The following TM9SF4 variants were observed in gnomAD, a reference collection of about 807,000 sequenced individuals.
TM9SF4 encodes the protein dinucleotide oxidase disulfide thiol exchanger 3 superfamily member 4.
TM9SF4 carries 26 observed loss-of-function variants against 90.4 expected under a neutral mutation model. That is an observed-to-expected ratio of 0.29 (90% CI 0.21 to 0.40). TM9SF4 has a LOEUF of 0.40. Among genes scored for constraint, TM9SF4 ranks in the 10% least tolerant of loss-of-function variants. The probability of loss-of-function intolerance (pLI) is 1.00; values close to 1 mark genes in which losing one functional copy is unlikely to be tolerated. For synonymous variants in TM9SF4, 293 were observed against 315.4 expected (o/e 0.93, Z 0.75); for missense variants, 549 against 834.8 (o/e 0.66, Z 4.22).
intron 17 of TM9SF4, among the ~76,000 whole-genome samples, chr20:32,163,258 A>C (rs6061199): frequency 0.19 from 19,207 of 101,534 alleles, 1,903 homozygotes; most frequent in East Asian, 0.33. Context: ...AAAAAAAAAA[A>C]AAAAAAAAAA....
intron 1 of TM9SF4, among the ~76,000 whole-genome samples, chr20:32,124,461 C>T (rs907501627): frequency 6.6e-6 from 1 of 152,202 alleles, no homozygotes; most frequent in African/African-American, 2.4e-5. Context: ...CCTCTGTTCA[C>T]TTGGCTGTGC....
At chr20:32,137,884 G>A (rs2046616862) in intron 3 of TM9SF4, among the ~76,000 whole-genome samples, 1 of 152,160 alleles carries the variant, frequency 6.6e-6, no homozygotes, top group African/African-American at 2.4e-5. Context: ...AATAAGGGAA[G>A]TGAGGCACAA....
Position 32,141,674 on chromosome 20 carries a change from C to CCCT in TM9SF4, c.398+10_398+12dup. ...GACTACTACGTCCACCTGTAAGTCGCCCTGTGCTCCTTGCTGCCTCAGGCT... is the reference window on the plus strand; with the variant it reads ...GACTACTACGTCCACCTGTAAGTCGCCCTCCTGTGCTCCTTGCTGCCTCAGGCT... On this transcript the variant is annotated intron_variant, in intron 4 of 17. Transcript: ENST00000398022. 6.2e-7 allele frequency: 1 copy of CCCT among 1,613,854 alleles called. No homozygotes were observed. The highest frequency in any genetic ancestry group is 8.5e-7 in the Non-Finnish European group (1 of 1,179,810).
intron 1 of TM9SF4, among the ~76,000 whole-genome samples, chr20:32,112,116 G>A (rs1395784328): frequency 1.3e-5 from 2 of 152,148 alleles, no homozygotes; most frequent in Admixed American, 6.5e-5. Flanking sequence ...CAGTGGAAGG[G>A]ACAGTGATTT....
At chr20:32,141,999 C>T (rs1342570006) in intron 5 of TM9SF4, 104 bp downstream of exon 5, 2 of 1,553,836 alleles carry the variant, frequency 1.3e-6, no homozygotes, top group East Asian at 2.3e-5. Flanking sequence ...CAAGTTTCTC[C>T]AGGTGCCCTG....
intron 1 of TM9SF4, among the ~76,000 whole-genome samples, chr20:32,123,866 A>ATATATATATATATATATATATATATATT: frequency 1.1e-5 from 1 of 93,978 alleles, no homozygotes; most frequent in African/African-American, 4.6e-5. Flanking sequence ...ATATATATAT[A>ATATATATATATATATATATATATATATT]TTTTTTTTTT....
chr20:32,150,904 G>A (rs769669465), intron 12 of TM9SF4, 29 bp downstream of exon 12: 2 of 1,612,026 alleles, frequency 1.2e-6, no homozygotes, highest in East Asian at 2.2e-5. Flanking sequence ...CTCTTGTTTG[G>A]TGGGAAGCAG....
At chr20:32,144,680 C>T (rs1234368432) in intron 6 of TM9SF4, among the ~76,000 whole-genome samples, 2 of 152,144 alleles carry the variant, frequency 1.3e-5, no homozygotes, top group Non-Finnish European at 2.9e-5. Context: ...GAGGCCAACA[C>T]AGAAGGATTG....
chr20:32,140,784 G>A (rs2046662540), intron 3 of TM9SF4, among the ~76,000 whole-genome samples: 1 of 152,246 alleles, frequency 6.6e-6, no homozygotes, highest in African/African-American at 2.4e-5. Flanking sequence ...AGTCAGGGGA[G>A]GGAGTGATGG....
At chr20:32,127,555 T>A (rs2046441165) in intron 1 of TM9SF4, among the ~76,000 whole-genome samples, 1 of 152,224 alleles carries the variant, frequency 6.6e-6, no homozygotes, top group Non-Finnish European at 1.5e-5. Flanking sequence ...TGCCTTGTGC[T>A]TAGGAGGTGC....
chr20:32,123,872 T>TTTTTTTTTTTTC, intron 1 of TM9SF4, among the ~76,000 whole-genome samples: 1 of 53,078 alleles, frequency 1.9e-5, no homozygotes, highest in East Asian at 5.4e-3. Flanking sequence ...ATATATTTTT[T>TTTTTTTTTTTTC]TTTTTAAAGA....
At chr20:32,144,978 C>T (rs1256844875) in intron 6 of TM9SF4, 113 bp from the exon 7 acceptor site, 4 of 877,338 alleles carry the variant, frequency 4.6e-6, no homozygotes, top group East Asian at 4.9e-5. Flanking sequence ...TCTCCACTCC[C>T]ACCCTAGAGG....
In TM9SF4 at chr20:32,121,978, G is replaced by A. The variant is rs2046319371; in HGVS notation, c.16-11035G>A. Among the ~76,000 whole-genome samples the A allele has an allele frequency of 2.8e-5, 4 of 144,444 alleles. No homozygotes were observed. The South Asian group carries it at 8.8e-4, about 32-fold the overall frequency. 94.8% of individuals were successfully genotyped at this position (144,444 alleles called of 152,430 possible). A position where few individuals can be genotyped will look rare whatever the true frequency, so the allele number is the denominator to read the frequency against. ...GGACGGGGCGGCTGGCAGGGCGGGG[G>A]GCTGACCCCCCCACCTCCCTCCCGG... On this transcript the variant is annotated intron_variant, in intron 1 of 17. Transcript: ENST00000398022.
intron 15 of TM9SF4, chr20:32,159,358 C>T (rs182453208): frequency 3.3e-5 from 5 of 152,654 alleles, no homozygotes; most frequent in Admixed American, 6.5e-5. Context: ...TGACCCAGCT[C>T]GGGGCCCAGC....
intron 14 of TM9SF4, 26 bp from the exon 15 acceptor site, chr20:32,158,425 A>G (rs370263581): frequency 1.2e-6 from 2 of 1,613,982 alleles, no homozygotes; most frequent in African/African-American, 2.7e-5. Context: ...GGTCTCTAAC[A>G]ATGTCAACCT....
rs529108670 is a variant in TM9SF4 at position 32,142,042 on chromosome 20, C to T, written c.528+147C>T. 4.2e-4 allele frequency: 551 copies of T among 1,325,256 alleles called. 6 individuals carry two copies. In the South Asian group the frequency reaches 6.2e-3, roughly 15 times the overall value. 82.1% of individuals were successfully genotyped at this position (1,325,256 alleles called of 1,614,324 possible). On this transcript the variant is annotated intron_variant, in intron 5 of 17. Coordinates refer to ENST00000398022, the MANE Select transcript of TM9SF4 (RefSeq NM_014742.4). ...TGGTCTGTCAGAGGTCCGAGTGCTCCGGGCAAGTCCCTGGGAGGTGCTACA... is the reference window on the plus strand; with the variant it reads ...TGGTCTGTCAGAGGTCCGAGTGCTCTGGGCAAGTCCCTGGGAGGTGCTACA...
In TM9SF4 at chr20:32,133,096, C is replaced by A; in HGVS notation, c.99C>A (p.Asn33Lys). Residue 33 changes from asparagine to lysine, a missense_variant, in exon 2 of 18, where the codon AAC becomes AAA. Asn to Lys is a moderately conservative substitution (Grantham distance 94). Around this residue, in one of 2 missense-constraint regions of TM9SF4, gnomAD observed 495 missense variants for 711.7 expected, o/e 0.70. Coordinates refer to ENST00000398022, the MANE Select transcript of TM9SF4 (RefSeq NM_014742.4). Reference sequence around the variant, plus strand: ...ATGTGCCTGGGGTCGCGCCTATCAACTTCCACCAGAACGATCCCGTAGAAA... The same window carrying A: ...ATGTGCCTGGGGTCGCGCCTATCAAATTCCACCAGAACGATCCCGTAGAAA... ...AFYVPGVAPINFHQNDPVEIK... is the reference protein window; with the variant it reads ...AFYVPGVAPIKFHQNDPVEIK... The A allele has an allele frequency of 1.9e-6, 3 of 1,614,204 alleles. No homozygotes were observed. The highest frequency in any genetic ancestry group is 2.2e-5 in the East Asian group (1 of 44,888).
At chr20:32,125,639 C>T (rs996452325) in intron 1 of TM9SF4, among the ~76,000 whole-genome samples, 1 of 151,050 alleles carries the variant, frequency 6.6e-6, no homozygotes, top group Non-Finnish European at 1.5e-5. Context: ...TGCTGCTTCT[C>T]TTCACATTTG....
At chr20:32,117,175 G>C (rs570464776) in intron 1 of TM9SF4, among the ~76,000 whole-genome samples, 2 of 124,940 alleles carry the variant, frequency 1.6e-5, no homozygotes, top group East Asian at 5.1e-4. Context: ...AGTGAGCCAA[G>C]ATCATATCAC....
Sources: gnomAD v4.1 joint callset for allele counts (sites outside exome capture counted in the v4.1 genomes callset) on GRCh38, gnomAD v4.1.1 for gene constraint, gnomAD v4.1.1 regional missense constraint, MANE v1.5 for transcripts, NCBI Gene and HGNC (gene_info 2026-07-23, HGNC 2026-07-21) for gene names.